The following GATAD2B variants were observed in gnomAD, a reference collection of about 807,000 sequenced individuals.
GATAD2B encodes GATA zinc finger domain containing 2B.
In GATAD2B, 8 loss-of-function variants were observed where a neutral mutation model predicts 64.3. That is an observed-to-expected ratio of 0.12 (90% CI 0.07 to 0.22). The LOEUF (loss-of-function observed/expected upper bound fraction) is 0.22. GATAD2B is among the 10% of genes least tolerant of loss of function. The pLI is 1.00. For missense variants in GATAD2B, 453 were observed against 752.0 expected (o/e 0.60, Z 4.65); for synonymous variants, 281 against 271.3 (o/e 1.04, Z -0.35).
intron 1 of GATAD2B, among the ~76,000 whole-genome samples, chr1:153,921,268 G>C (rs1678420897): frequency 6.6e-6 from 1 of 152,178 alleles, no homozygotes; most frequent in Non-Finnish European, 1.5e-5. Context: ...AAACATCAAA[G>C]TCATCTGTGC....
chr1:153,870,624 T>C (rs1338277080), intron 1 of GATAD2B, among the ~76,000 whole-genome samples: 1 of 152,088 alleles, frequency 6.6e-6, no homozygotes, highest in Non-Finnish European at 1.5e-5. Context: ...AAATTCCACA[T>C]CAAAATGCTG....
At chr1:153,893,697 A>G (rs1423130116) in intron 1 of GATAD2B, among the ~76,000 whole-genome samples, 2 of 152,106 alleles carry the variant, frequency 1.3e-5, no homozygotes, top group Non-Finnish European at 2.9e-5. Flanking sequence ...ACACTGGCTC[A>G]TGCCTGTAAT....
intron 2 of GATAD2B, among the ~76,000 whole-genome samples, chr1:153,823,675 G>C (rs188418983): frequency 6.6e-6 from 1 of 150,440 alleles, no homozygotes; most frequent in East Asian, 1.9e-4. Flanking sequence ...CACTATCAAA[G>C]AAACTATGGT....
chr1:153,850,577 G>A (rs1037097287), intron 1 of GATAD2B, among the ~76,000 whole-genome samples: 5 of 152,096 alleles, frequency 3.3e-5, no homozygotes, highest in African/African-American at 7.2e-5. Flanking sequence ...TGGGATTACA[G>A]GTGTGAGCCA....
At chr1:153,892,259 G>A (rs1230387258) in intron 1 of GATAD2B, among the ~76,000 whole-genome samples, 1 of 149,974 alleles carries the variant, frequency 6.7e-6, no homozygotes, top group Non-Finnish European at 1.5e-5. Context: ...CAAAACTCAA[G>A]AGTAAAACAG....
intron 1 of GATAD2B, chr1:153,852,773 CA>C (rs1476193100): frequency 6.3e-6 from 6 of 948,116 alleles, no homozygotes; most frequent in Non-Finnish European, 1.0e-5. Flanking sequence ...CCCAGTCTAA[CA>C]TAACAACTTG....
chr1:153,821,319 A>G (rs756524569), intron 2 of GATAD2B, among the ~76,000 whole-genome samples: 26 of 152,032 alleles, frequency 1.7e-4, no homozygotes, highest in Non-Finnish European at 2.9e-4. Flanking sequence ...AACCCCGATC[A>G]CTGGAATAAG....
intron 1 of GATAD2B, among the ~76,000 whole-genome samples, chr1:153,883,701 T>C (rs1357616051): frequency 6.6e-6 from 1 of 151,630 alleles, no homozygotes; most frequent in Non-Finnish European, 1.5e-5. Flanking sequence ...ACTGCACTGG[T>C]CTTTTTTTTT....
chr1:153,812,183 C>G, intron 8 of GATAD2B, 51 bp from the exon 9 acceptor site: 1 of 894,648 alleles, frequency 1.1e-6, no homozygotes, highest in South Asian at 1.5e-5. Context: ...ACCCAATACC[C>G]AATTTCCTTT....
Position 153,818,161 on chromosome 1 carries a change from A to T in GATAD2B, c.608T>A (p.Val203Glu), listed in dbSNP as rs765087466. The T allele has an allele frequency of 1.2e-6, 2 of 1,603,886 alleles. No homozygotes were observed. The highest frequency in any genetic ancestry group is 1.7e-6 in the Non-Finnish European group (2 of 1,175,884). Reference sequence around the variant, plus strand: ...CTGAACAATAGATGCTGCATTCTGTACAACTGGAGTCTGGGAGAGGGAAGA... The same window carrying T: ...CTGAACAATAGATGCTGCATTCTGTTCAACTGGAGTCTGGGAGAGGGAAGA... ...KENVVQKTPVVQNAASIVQPS... is the reference protein window; with the variant it reads ...KENVVQKTPVEQNAASIVQPS... Residue 203 changes from valine to glutamate, a missense_variant, in exon 5 of 11, where the codon GTA (valine) becomes GAA (glutamate). Val to Glu is a moderately radical substitution (Grantham distance 121). Coordinates refer to ENST00000368655, the MANE Select transcript of GATAD2B (RefSeq NM_020699.4).
chr1:153,845,558 C>T (rs760620724), intron 1 of GATAD2B, among the ~76,000 whole-genome samples: 2 of 149,130 alleles, frequency 1.3e-5, no homozygotes, highest in South Asian at 4.3e-4. Context: ...CCAGCCTGGG[C>T]AACATGACAA....
chr1:153,870,040 A>T (rs1676610526), intron 1 of GATAD2B, among the ~76,000 whole-genome samples: 1 of 152,060 alleles, frequency 6.6e-6, no homozygotes, highest in Admixed American at 6.6e-5. Context: ...TGCCTCCCAG[A>T]TTCCAGCAGC....
At chr1:153,819,219 A>G (rs1004837777) in intron 3 of GATAD2B, among the ~76,000 whole-genome samples, 17 of 152,260 alleles carry the variant, frequency 1.1e-4, no homozygotes, top group African/African-American at 4.8e-5. Flanking sequence ...TAATGTTCCT[A>G]AATCTCTTAA....
rs370892755 is a variant in GATAD2B, at chr1:153,910,696, C to T, written c.-2+12037G>A. On this transcript the variant is annotated intron_variant, in intron 1 of 10. Transcript: ENST00000368655. ...CAGAGGTTGCAGTGAGCCAAGACTG[C>T]GCCACTGTGCTCTAGCCTGGGTGAC... 7.7e-4 allele frequency among the ~76,000 whole-genome samples: 117 copies of T among 152,088 alleles called. 1 individual carries two copies. The highest frequency in any genetic ancestry group is 2.6e-3 in the African/African-American group (108 of 41,494).
rs879300090 is a variant in GATAD2B, at chr1:153,816,901, T to A, written c.901-313A>T. On this transcript the variant is annotated intron_variant, in intron 6 of 10. Transcript: ENST00000368655. The surrounding 1 kb of genome is among the most constrained non-coding windows in gnomAD (Gnocchi z 4.9). ...GAGTTTGAGACCAGCCTGGCCAACA[T>A]GGTCAAACTCTGTCTCTACGAAAAA... Among the ~76,000 whole-genome samples, 2 of 152,116 alleles carry A rather than the reference T, an allele frequency of 1.3e-5. No individual in the cohort carries two copies. The highest frequency in any genetic ancestry group is 2.4e-5 in the African/African-American group (1 of 41,426).
intron 1 of GATAD2B, among the ~76,000 whole-genome samples, chr1:153,908,127 T>C (rs1678004408): frequency 6.6e-6 from 1 of 152,240 alleles, no homozygotes; most frequent in African/African-American, 2.4e-5. Context: ...TTATGTTATG[T>C]ACATTTTAAC....
chr1:153,916,934 A>T (rs1414678325), intron 1 of GATAD2B, among the ~76,000 whole-genome samples: 1 of 151,886 alleles, frequency 6.6e-6, no homozygotes, highest in Non-Finnish European at 1.5e-5. Context: ...CAGCCCCCCG[A>T]GTAGCTGGGA....
intron 1 of GATAD2B, among the ~76,000 whole-genome samples, chr1:153,917,107 A>G (rs1222924019): frequency 3.4e-5 from 5 of 145,810 alleles, no homozygotes; most frequent in African/African-American, 1.3e-4. Context: ...CACCCGGCCT[A>G]TTTTTTTTTG....
chr1:153,921,020 T>C (rs1438804261), intron 1 of GATAD2B, among the ~76,000 whole-genome samples: 2 of 152,112 alleles, frequency 1.3e-5, no homozygotes, highest in Non-Finnish European at 2.9e-5. Flanking sequence ...TCCCTCAAAA[T>C]ATACTGAACT....
Sources: gnomAD v4.1 joint callset for allele counts (sites outside exome capture counted in the v4.1 genomes callset) on GRCh38, gnomAD v4.1.1 for gene constraint, Gnocchi (gnomAD v3.1) non-coding constraint, MANE v1.5 for transcripts, NCBI Gene and HGNC (gene_info 2026-07-23, HGNC 2026-07-21) for gene names.